Variants in MACROD2 observed in about 807,000 individuals in gnomAD.
MACROD2 encodes mono-ADP ribosylhydrolase 2, also known as ADP-ribose glycohydrolase MACROD2.
Under a neutral mutation model 70.4 loss-of-function variants are expected in MACROD2, and 36 were observed. The observed-to-expected ratio is 0.51, with a 90% confidence interval of 0.39 to 0.68. The LOEUF is 0.68. Among genes scored for constraint, MACROD2 ranks in the 30% least tolerant of loss-of-function variants. MACROD2 has a pLI of 0.00. For missense variants in MACROD2, 496 were observed against 538.4 expected, an observed-to-expected ratio of 0.92 and a Z score of 0.78; for synonymous variants, 172 against 178.8, an observed-to-expected ratio of 0.96 and a Z score of 0.30.
At chr20:14,078,931 A>C (rs746772579) in intron 2 of MACROD2, among the ~76,000 whole-genome samples, 12 of 152,258 alleles carry the variant, frequency 7.9e-5, no homozygotes, top group South Asian at 2.1e-4. Context: ...TGAATTTCAT[A>C]GACATTTGCC....
chr20:14,485,642 A>T (rs968839871), intron 3 of MACROD2, among the ~76,000 whole-genome samples: 1 of 108,520 alleles, frequency 9.2e-6, no homozygotes, highest in Admixed American at 1.2e-4. Flanking sequence ...CGGAGCTTGC[A>T]GTGAGCCGAG....
intron 4 of MACROD2, among the ~76,000 whole-genome samples, chr20:14,595,065 C>T (rs1386387246): frequency 6.6e-6 from 1 of 152,064 alleles, no homozygotes; most frequent in Non-Finnish European, 1.5e-5. Context: ...ACCATATGTA[C>T]TGTTTTATAT....
chr20:15,121,666 C>T (rs984886616), intron 5 of MACROD2, among the ~76,000 whole-genome samples: 22 of 152,154 alleles, frequency 1.4e-4, no homozygotes, highest in African/African-American at 5.3e-4. Context: ...AAATCCTTAC[C>T]ACAGCCTGTT....
At chr20:14,222,827 A>G (rs1039042236) in intron 3 of MACROD2, among the ~76,000 whole-genome samples, 73 of 56,944 alleles carry the variant, frequency 1.3e-3, no homozygotes, top group Non-Finnish European at 3.3e-3. Flanking sequence ...AAAAAAAAAA[A>G]AAAAAAAAAA....
At chr20:15,336,764 A>G (rs2078053243) in intron 6 of MACROD2, among the ~76,000 whole-genome samples, 1 of 151,570 alleles carries the variant, frequency 6.6e-6, no homozygotes, top group Non-Finnish European at 1.5e-5. Context: ...GCCCTTAAGC[A>G]TTCCATTTTT....
chr20:15,323,493 C>T (rs1487304678), intron 6 of MACROD2, among the ~76,000 whole-genome samples: 1 of 152,076 alleles, frequency 6.6e-6, no homozygotes, highest in Non-Finnish European at 1.5e-5. Flanking sequence ...CCCATAAGGA[C>T]TCTCAAACCA....
chr20:15,264,527 T>C (rs2077275810), intron 6 of MACROD2, among the ~76,000 whole-genome samples: 1 of 152,070 alleles, frequency 6.6e-6, no homozygotes, highest in South Asian at 2.1e-4. Flanking sequence ...TAAAAAGCAT[T>C]TTGAGCTACA....
intron 6 of MACROD2, among the ~76,000 whole-genome samples, chr20:15,363,472 TG>T (rs1345391446): frequency 2.0e-5 from 3 of 152,242 alleles, no homozygotes; most frequent in Non-Finnish European, 4.4e-5. Flanking sequence ...AAAGATGCTA[TG>T]AGTTGGTGGC....
chr20:15,899,241 T>C (rs1323380021), intron 10 of MACROD2, among the ~76,000 whole-genome samples: 1 of 152,086 alleles, frequency 6.6e-6, no homozygotes, highest in Non-Finnish European at 1.5e-5. Context: ...TGTATATGTG[T>C]GTATATGTAC....
intron 3 of MACROD2, among the ~76,000 whole-genome samples, chr20:14,322,175 A>T (rs866903746): frequency 1.5e-5 from 1 of 66,378 alleles, no homozygotes; most frequent in Middle Eastern, 8.9e-3. Flanking sequence ...ATTCTATTGA[A>T]ATATATATAT....
chr20:14,648,546 C>G (rs1985514742), intron 4 of MACROD2, among the ~76,000 whole-genome samples: 1 of 152,024 alleles, frequency 6.6e-6, no homozygotes, highest in Non-Finnish European at 1.5e-5. Context: ...GTGGATCTTT[C>G]TACTTTCTCT....
At chr20:14,864,151 T>C (rs1348630333) in intron 5 of MACROD2, among the ~76,000 whole-genome samples, 1 of 152,162 alleles carries the variant, frequency 6.6e-6, no homozygotes, top group African/African-American at 2.4e-5. Context: ...AAATATGTTT[T>C]ATAAATACTA....
intron 8 of MACROD2, among the ~76,000 whole-genome samples, chr20:15,583,302 T>C (rs773644622): frequency 2.6e-5 from 4 of 152,168 alleles, no homozygotes; most frequent in Non-Finnish European, 5.9e-5. Flanking sequence ...CATAAAGAAA[T>C]GTGAAAAACG....
chr20:14,241,106 A>G (rs1054837765), intron 3 of MACROD2, among the ~76,000 whole-genome samples: 1 of 151,982 alleles, frequency 6.6e-6, no homozygotes, highest in Non-Finnish European at 1.5e-5. Context: ...ACAGAGTGAG[A>G]CTCCGTCTCA....
At chr20:14,382,990 C>G (rs2083438051) in intron 3 of MACROD2, among the ~76,000 whole-genome samples, 1 of 152,118 alleles carries the variant, frequency 6.6e-6, no homozygotes, top group Admixed American at 6.5e-5. Context: ...CCTAAAATCA[C>G]CTCAGAAACC....
chr20:14,615,654 A>G (rs1232361892), intron 4 of MACROD2, among the ~76,000 whole-genome samples: 1 of 152,090 alleles, frequency 6.6e-6, no homozygotes, highest in Non-Finnish European at 1.5e-5. Context: ...CTTAGGCATA[A>G]TTTGGTTGAC....
chr20:15,099,610 T>C (rs2075857391), intron 5 of MACROD2, among the ~76,000 whole-genome samples: 1 of 152,088 alleles, frequency 6.6e-6, no homozygotes, highest in East Asian at 1.9e-4. Context: ...ACTGAGACAA[T>C]AATCGGTACT....
chr20:14,152,174 T>C (rs1048040268), intron 3 of MACROD2, among the ~76,000 whole-genome samples: 2 of 152,186 alleles, frequency 1.3e-5, no homozygotes, highest in African/African-American at 4.8e-5. Flanking sequence ...CTAAGCTACA[T>C]ACTTTATGTG....
intron 7 of MACROD2, among the ~76,000 whole-genome samples, chr20:15,458,618 T>A: frequency 6.8e-6 from 1 of 147,348 alleles, no homozygotes; most frequent in Admixed American, 6.7e-5. Context: ...ACTGTTTTTT[T>A]GTTTTTTTGT....
Sources: gnomAD v4.1 joint callset for allele counts (sites outside exome capture counted in the v4.1 genomes callset) on GRCh38, gnomAD v4.1.1 for gene constraint, MANE v1.5 for transcripts, NCBI Gene and HGNC (gene_info 2026-07-23, HGNC 2026-07-21) for gene names.